Variants in STPG2 observed in about 807,000 individuals in gnomAD.
The protein encoded by STPG2 is sperm-tail PG-rich repeat-containing protein 2.
A neutral mutation model predicts 54.2 loss-of-function variants in STPG2; 56 were observed. The ratio of observed to expected loss-of-function variants is 1.03; its 90% CI spans 0.83 to 1.29. STPG2 has a LOEUF of 1.29. Among genes scored for constraint, STPG2 ranks in the 50% most tolerant of loss-of-function variants. The probability of loss-of-function intolerance (pLI) is 0.00; values close to 1 mark genes in which losing one functional copy is unlikely to be tolerated. For missense variants in STPG2, 596 were observed against 544.9 expected, an observed-to-expected ratio of 1.09 and a Z score of -0.93; for synonymous variants, 200 against 181.8, an observed-to-expected ratio of 1.10 and a Z score of -0.81.
chr4:97,979,891 A>AT (rs1734616843), intron 6 of STPG2, among the ~76,000 whole-genome samples: 1 of 151,614 alleles, frequency 6.6e-6, no homozygotes, highest in South Asian at 2.1e-4. Flanking sequence ...CACCCGACTA[A>AT]TTTTTTGTAT....
intron 9 of STPG2, among the ~76,000 whole-genome samples, chr4:97,807,093 T>A (rs137863003): frequency 4.2e-4 from 64 of 151,884 alleles, no homozygotes; most frequent in Admixed American, 1.4e-3. Flanking sequence ...TGTTTTTCTA[T>A]AATATAAATG....
intron 10 of STPG2, among the ~76,000 whole-genome samples, chr4:97,565,622 C>A (rs1194593415): frequency 1.3e-5 from 2 of 152,104 alleles, no homozygotes; most frequent in African/African-American, 4.8e-5. Context: ...GTGTGGATAT[C>A]CTTTCTGTTT....
intron 5 of STPG2, among the ~76,000 whole-genome samples, chr4:98,028,186 C>T (rs1238203270): frequency 3.9e-5 from 6 of 152,184 alleles, no homozygotes; most frequent in Non-Finnish European, 1.5e-5. Flanking sequence ...CCCCAGAACT[C>T]GCTTTCCTGA....
intron 5 of STPG2, among the ~76,000 whole-genome samples, chr4:98,030,669 C>T (rs1401014146): frequency 6.6e-6 from 1 of 152,110 alleles, no homozygotes; most frequent in Non-Finnish European, 1.5e-5. Flanking sequence ...CAGCATGATA[C>T]TGGTACAAAA....
At chr4:97,587,217 T>C (rs1009323587) in intron 10 of STPG2, among the ~76,000 whole-genome samples, 1 of 151,950 alleles carries the variant, frequency 6.6e-6, no homozygotes, top group African/African-American at 2.4e-5. Context: ...ATTTTCCCTC[T>C]TCCTCTAAAT....
intron 8 of STPG2, among the ~76,000 whole-genome samples, chr4:97,911,751 C>T (rs1560585516): frequency 6.6e-6 from 1 of 152,186 alleles, no homozygotes; most frequent in Non-Finnish European, 1.5e-5. Flanking sequence ...GCAGACATAG[C>T]ATTTCCTGCC....
chr4:97,552,901 C>G (rs1731996675), intron 4 of STPG2, among the ~76,000 whole-genome samples: 1 of 152,108 alleles, frequency 6.6e-6, no homozygotes, highest in African/African-American at 2.4e-5. Flanking sequence ...GGCCCTGAGT[C>G]CTGAGAAAGA....
intron 8 of STPG2, among the ~76,000 whole-genome samples, chr4:97,855,379 C>T (rs1391646893): frequency 6.6e-6 from 1 of 150,854 alleles, no homozygotes; most frequent in East Asian, 1.9e-4. Flanking sequence ...CCCCAACAGA[C>T]ATTATCTCAT....
chr4:97,811,353 G>A (rs1727734143), intron 9 of STPG2, among the ~76,000 whole-genome samples: 1 of 152,168 alleles, frequency 6.6e-6, no homozygotes, highest in Non-Finnish European at 1.5e-5. Context: ...CTACACATGT[G>A]TTGAATAAAG....
chr4:97,464,978 G>A (rs996982601), intron 4 of STPG2, among the ~76,000 whole-genome samples: 1 of 152,092 alleles, frequency 6.6e-6, no homozygotes, highest in African/African-American at 2.4e-5. Context: ...CCCCTGGAAA[G>A]CATAACTTTT....
chr4:98,001,656 C>T (rs927911482), intron 5 of STPG2, among the ~76,000 whole-genome samples: 1 of 152,062 alleles, frequency 6.6e-6, no homozygotes, highest in Non-Finnish European at 1.5e-5. Flanking sequence ...CAAATGCCTG[C>T]TAGGACAAGG....
intron 8 of STPG2, among the ~76,000 whole-genome samples, chr4:97,878,292 C>T (rs539817819): frequency 6.6e-6 from 1 of 152,150 alleles, no homozygotes. Flanking sequence ...CACAGCTCCA[C>T]AAGACAGTGT....
intron 4 of STPG2, among the ~76,000 whole-genome samples, chr4:97,499,611 T>C (rs1470337027): frequency 6.6e-6 from 1 of 151,898 alleles, no homozygotes; most frequent in Non-Finnish European, 1.5e-5. Flanking sequence ...ATATTTTAAA[T>C]GGTATGAAGA....
At chr4:97,795,569 C>G (rs763745817) in intron 9 of STPG2, among the ~76,000 whole-genome samples, 1 of 152,180 alleles carries the variant, frequency 6.6e-6, no homozygotes, top group Non-Finnish European at 1.5e-5. Context: ...TGTATCTGTG[C>G]CACATTTTCT....
intron 10 of STPG2, among the ~76,000 whole-genome samples, chr4:97,631,096 G>C (rs1256209920): frequency 6.6e-6 from 1 of 151,820 alleles, no homozygotes; most frequent in Non-Finnish European, 1.5e-5. Context: ...ACCAGACACT[G>C]CTTTCCTTTT....
chr4:97,500,328 G>A (rs986088899), intron 4 of STPG2, among the ~76,000 whole-genome samples: 5 of 152,016 alleles, frequency 3.3e-5, no homozygotes, highest in African/African-American at 4.8e-5. Context: ...AAATAAAAAT[G>A]TAGCCATTAA....
At chr4:97,913,944 A>C (rs754648330) in intron 8 of STPG2, among the ~76,000 whole-genome samples, 1 of 152,166 alleles carries the variant, frequency 6.6e-6, no homozygotes, top group Admixed American at 6.5e-5. Flanking sequence ...ATCAGAAATA[A>C]CATAAAATTA....
chr4:97,620,549 G>A (rs1391824243), intron 10 of STPG2, among the ~76,000 whole-genome samples: 1 of 152,070 alleles, frequency 6.6e-6, no homozygotes, highest in East Asian at 1.9e-4. Flanking sequence ...AGAGAAAGAA[G>A]GGCAACACAT....
rs1242324663 is a variant in STPG2, at chr4:97,969,077, G to A, written c.933+3203C>T. 2.0e-5 allele frequency among the ~76,000 whole-genome samples: 3 copies of A among 152,306 alleles called. No homozygotes were observed. In the East Asian group the frequency reaches 5.8e-4, roughly 29 times the overall value. ...ATAGGGCTATAAACACCCTCATCTT[G>A]CCACGGCTCTTCTAGGTCTTTTTAG... On this transcript the variant is annotated intron_variant, in intron 7 of 10. Coordinates refer to ENST00000295268, the MANE Select transcript of STPG2 (RefSeq NM_174952.3).
Sources: gnomAD v4.1 joint callset for allele counts (sites outside exome capture counted in the v4.1 genomes callset) on GRCh38, gnomAD v4.1.1 for gene constraint, MANE v1.5 for transcripts, NCBI Gene and HGNC (gene_info 2026-07-23, HGNC 2026-07-21) for gene names.